The following EML2 variants were observed in gnomAD, a reference collection of about 807,000 sequenced individuals.
EML2 encodes the protein EMAP like 2.
Under a neutral mutation model 84.7 loss-of-function variants are expected in EML2, and 59 were observed. The ratio of observed to expected loss-of-function variants is 0.70; its 90% CI spans 0.56 to 0.86. The LOEUF (loss-of-function observed/expected upper bound fraction) is 0.86, where lower values mean the gene tolerates loss of function less well. Among genes scored for constraint, EML2 ranks in the 40% least tolerant of loss-of-function variants. The pLI, the probability that EML2 is intolerant of heterozygous loss-of-function variation, is 0.00. For synonymous variants in EML2, 352 were observed against 348.9 expected (o/e 1.01, Z -0.10); for missense variants, 818 against 855.6 (o/e 0.96, Z 0.55).
At chr19:45,639,263 C>G (rs764611088) in intron 1 of EML2, 94 bp downstream of exon 1, 4 of 1,230,076 alleles carry the variant, frequency 3.3e-6, no homozygotes, top group Non-Finnish European at 4.3e-6. Context: ...CGTGTCCCCA[C>G]GCCGGTCTGG....
intron 9 of EML2, among the ~76,000 whole-genome samples, chr19:45,622,905 C>T (rs578245453): frequency 2.1e-4 from 32 of 149,656 alleles, no homozygotes; most frequent in African/African-American, 6.6e-4. Context: ...AAAAATTAGC[C>T]GGGAGTGGTG....
intron 18 of EML2, among the ~76,000 whole-genome samples, chr19:45,610,886 T>C (rs1970425736): frequency 6.6e-6 from 1 of 152,156 alleles, no homozygotes. Flanking sequence ...TGAATTGGTT[T>C]ATTCAGCAAG....
rs746193529 is a variant in EML2, at chr19:45,619,153, G to T, written c.1161C>A (p.Pro387=). ...VEELWGLATH[P]SRAQFVTCGQ... Reference sequence around the variant, plus strand: ...CGCAGGTCACAAACTGGGCCCGACTGGGGTGTGTGGCCAGGCCCCACAGCT... The same window carrying T: ...CGCAGGTCACAAACTGGGCCCGACTTGGGTGTGTGGCCAGGCCCCACAGCT... The change falls in exon 12 of 19, where the codon CCC becomes CCA. Residue 387 remains proline (P), a synonymous_variant. Transcript: ENST00000245925. 17 of 1,611,630 alleles carry T rather than the reference G, an allele frequency of 1.1e-5. No homozygotes were observed. The highest frequency in any genetic ancestry group is 4.0e-4 in the Middle Eastern group (2 of 4,954).
At chr19:45,642,309 G>C, upstream of EML2, 1 of 1,535,800 alleles carries the variant, frequency 6.5e-7, no homozygotes, top group Non-Finnish European at 8.7e-7. Context: ...GCGCCGACAC[G>C]CGGTCGTCCA....
upstream of EML2, chr19:45,639,974 A>ACG (rs1974266077): frequency 6.6e-6 from 1 of 151,364 alleles, no homozygotes; most frequent in Non-Finnish European, 1.5e-5. Context: ...AGCCTGGGCA[A>ACG]CGAGAACAAG....
At chr19:45,638,966 G>T (rs753871433) in intron 1 of EML2, 93 bp from the exon 2 acceptor site, 1 of 1,482,784 alleles carries the variant, frequency 6.7e-7, no homozygotes, top group South Asian at 1.1e-5. Context: ...CTCCCCGGAG[G>T]TCTCCGATGA....
At position 45,619,071 on chromosome 19, in the gene EML2, T is replaced by G; in HGVS notation, c.1243A>C (p.Arg415=). 1 of 1,611,980 alleles carries G rather than the reference T, an allele frequency of 6.2e-7. No homozygotes were observed. Among genetic ancestry groups the G allele is most frequent in the South Asian group, 1.1e-5 (1 of 90,946 alleles). The change falls in exon 12 of 19, where the codon AGG becomes CGG. Residue 415 remains arginine (R), a synonymous_variant. Coordinates refer to ENST00000245925, the MANE Select transcript of EML2 (RefSeq NM_012155.4). ...CCCGGGCCCCTTACCTCGATGATCC[T>G]GCTCCACAGGGGCTGGTGGGAATCT... ...SSDSHQPLWS[R]IIEDPARSAG...
intron 4 of EML2, among the ~76,000 whole-genome samples, 165 bp from the exon 5 acceptor site, chr19:45,633,304 G>T (rs559789632): frequency 6.6e-6 from 1 of 152,310 alleles, no homozygotes; most frequent in Non-Finnish European, 1.5e-5. Flanking sequence ...GCTGGCGCTG[G>T]ATCAGAAGCA....
At chr19:45,645,156 A>T (rs1402509323), upstream of EML2, 2 of 1,197,234 alleles carry the variant, frequency 1.7e-6, no homozygotes, top group African/African-American at 1.5e-5. Context: ...TGAGGGAGAG[A>T]AAAGGGGGAT....
chr19:45,613,364 T>TGAAATTCATCCACCTTGGGGTTAA (rs1167436204), intron 18 of EML2, among the ~76,000 whole-genome samples, 177 bp downstream of exon 18: 6 of 152,146 alleles, frequency 3.9e-5, no homozygotes, highest in African/African-American at 9.7e-5. Flanking sequence ...CATGACACAC[T>TGAAATTCATCCACCTTGGGGTTAA]GAAATTCATC....
Position 45,609,719 on chromosome 19 carries a change from T to C in EML2, c.1894A>G (p.Met632Val). The C allele has an allele frequency of 6.2e-7, 1 of 1,613,768 alleles. No homozygotes were observed. Among genetic ancestry groups the C allele is most frequent in the Non-Finnish European group, 8.5e-7 (1 of 1,179,862 alleles). The change falls in exon 19 of 19, where the codon ATG (methionine) becomes GTG (valine). Residue 632 changes from methionine (M) to valine (V), a missense_variant. By Grantham distance (21) the Met-to-Val change is conservative (BLOSUM62 1). Transcript: ENST00000245925. ...TNVAFLWDDS[M>V]ALTTGGKDTS... ...TCCTTGCCCCCTGTGGTCAGGGCCA[T>C]GCTGTCATCCCACAAGAAGGCCACA...
At chr19:45,621,750 C>CT (rs34741603) in intron 9 of EML2, 113 bp from the exon 10 acceptor site, 89,870 of 959,616 alleles carry the variant, frequency 0.094, no homozygotes, top group South Asian at 0.1. Flanking sequence ...ACTTTTCCAC[C>CT]TTTTTTTTTT....
chr19:45,628,099 T>C (rs935404165), intron 7 of EML2, among the ~76,000 whole-genome samples: 3 of 150,808 alleles, frequency 2.0e-5, no homozygotes, highest in African/African-American at 7.3e-5. Flanking sequence ...GGGCCGGGTG[T>C]AGTGGCTCAC....
chr19:45,622,009 C>A (rs1971774721), intron 9 of EML2, among the ~76,000 whole-genome samples: 1 of 152,142 alleles, frequency 6.6e-6, no homozygotes, highest in Non-Finnish European at 1.5e-5. Context: ...TCCCTAAGTG[C>A]TGGGATTACA....
At chr19:45,623,204 A>T (rs1971925389) in intron 9 of EML2, among the ~76,000 whole-genome samples, 4 of 151,548 alleles carry the variant, frequency 2.6e-5, no homozygotes, top group Admixed American at 2.6e-4. Flanking sequence ...CTAAAAATAC[A>T]AAAAATTAGC....
At chr19:45,616,161 G>A (rs1365582540) in intron 15 of EML2, 1 of 557,064 alleles carries the variant, frequency 1.8e-6, no homozygotes, top group Admixed American at 3.1e-5. Flanking sequence ...GGAGGAGCTG[G>A]CTTTGAATGT....
chr19:45,612,518 A>G (rs983303209), intron 18 of EML2, among the ~76,000 whole-genome samples: 13 of 152,126 alleles, frequency 8.5e-5, no homozygotes, highest in Non-Finnish European at 1.6e-4. Flanking sequence ...TATGAAAAAT[A>G]CAAAAATTGG....
At chr19:45,630,632 G>A (rs1193070079) in intron 6 of EML2, among the ~76,000 whole-genome samples, 2 of 151,166 alleles carry the variant, frequency 1.3e-5, no homozygotes, top group African/African-American at 4.9e-5. Context: ...ATTAGAAGCT[G>A]TGAAGACATC....
chr19:45,620,527 G>T (rs1294675078), intron 11 of EML2, among the ~76,000 whole-genome samples: 1 of 151,732 alleles, frequency 6.6e-6, no homozygotes, highest in Non-Finnish European at 1.5e-5. Context: ...TGACCAAAAT[G>T]GTGAAAACCC....
Sources: gnomAD v4.1 joint callset for allele counts (sites outside exome capture counted in the v4.1 genomes callset) on GRCh38, gnomAD v4.1.1 for gene constraint, MANE v1.5 for transcripts, NCBI Gene and HGNC (gene_info 2026-07-23, HGNC 2026-07-21) for gene names.